Variants in MTF2 observed in about 807,000 individuals in gnomAD.
MTF2 encodes metal response element binding transcription factor 2.
MTF2 carries 11 observed loss-of-function variants against 79.5 expected under a neutral mutation model. The ratio of observed to expected loss-of-function variants is 0.14; its 90% confidence interval spans 0.09 to 0.23. The LOEUF (loss-of-function observed/expected upper bound fraction) is 0.23, where lower values mean the gene tolerates loss of function less well. Among genes scored for constraint, MTF2 ranks in the 10% least tolerant of loss-of-function variants. MTF2 has a pLI of 1.00. For missense variants in MTF2, 486 were observed against 711.2 expected (o/e 0.68, Z 3.60); for synonymous variants, 208 against 232.8 (o/e 0.89, Z 0.97).
chr1:93,110,541 G>T lies in MTF2; in HGVS notation c.205-4G>T, dbSNP rs1423635892. 2 of 1,610,338 alleles carry T rather than the reference G, an allele frequency of 1.2e-6. No individual in the cohort carries two copies. The highest frequency in any genetic ancestry group is 1.7e-6 in the Non-Finnish European group (2 of 1,176,994). The stretch of plus-strand genomic sequence containing the variant: ...TCACCGTTAAGTATTTCTCTGTATT[G>T]CAGATAAACATATTGAAACAGAGCT... On this transcript the variant is annotated splice_region_variant and splice_polypyrimidine_tract_variant and intron_variant, in intron 2 of 14. Transcript: ENST00000370298.
rs1210657521 is a variant in MTF2 at position 93,127,237 on chromosome 1, A to G, written c.927A>G (p.Ala309=). The change falls in exon 10 of 15, where the codon GCA becomes GCG. Residue 309 remains alanine (A), a synonymous_variant. Coordinates refer to ENST00000370298, the MANE Select transcript of MTF2 (RefSeq NM_007358.4). ...NWDRLHPGEL[A]DTPKSERYEH... ...TGTTTCTTGATACTTCACAGCTGGC[A>G]GACACACCAAAATCTGAAAGATATG... 2 of 1,610,794 alleles carry G rather than the reference A, an allele frequency of 1.2e-6. No individual in the cohort carries two copies. The highest frequency in any genetic ancestry group is 3.3e-5 in the Admixed American group (2 of 60,008).
chr1:93,090,790 A>G (rs1445756518), intron 1 of MTF2, among the ~76,000 whole-genome samples: 1 of 151,550 alleles, frequency 6.6e-6, no homozygotes, highest in Non-Finnish European at 1.5e-5. Flanking sequence ...CAGTCTCCCA[A>G]GTAGCTGGGA....
chr1:93,118,152 A>G (rs1656327070), intron 6 of MTF2, among the ~76,000 whole-genome samples, 193 bp from the exon 7 acceptor site: 1 of 152,212 alleles, frequency 6.6e-6, no homozygotes, highest in Non-Finnish European at 1.5e-5. Context: ...AAAAGAGAGA[A>G]GAGGGATGAA....
At position 93,113,570 on chromosome 1, in the gene MTF2, A is replaced by G. The variant is rs554350068; in HGVS notation, c.287-1118A>G. ...GGTTATTTCCACTAGATGTAATACTATGCAGCTATTAGAAGTTACAATTTT... is the reference window on the plus strand; with the variant it reads ...GGTTATTTCCACTAGATGTAATACTGTGCAGCTATTAGAAGTTACAATTTT... On this transcript the variant is annotated intron_variant, in intron 3 of 14. Coordinates refer to ENST00000370298, the MANE Select transcript of MTF2 (RefSeq NM_007358.4). Among the ~76,000 whole-genome samples the G allele has an allele frequency of 3.0e-4, 45 of 152,356 alleles. No homozygotes were observed. The South Asian group carries it at 7.0e-3, about 24-fold the overall frequency.
rs777549539 is a variant in MTF2 at position 93,110,422 on chromosome 1, C to A, written c.198C>A (p.Ile66=). The change falls in exon 2 of 15, where the codon ATC becomes ATA. Residue 66 remains isoleucine, a synonymous_variant. Coordinates refer to ENST00000370298, the MANE Select transcript of MTF2 (RefSeq NM_007358.4). ...ATGGCTTGTTTTATCTTGGCACTAT[C>A]AAAAAGGCAAGTTACTTTAATGTAT... ...WSDGLFYLGT[I]KKINILKQSC... is the part of the protein sequence containing the mutation. 2 of 1,613,888 alleles carry A rather than the reference C, an allele frequency of 1.2e-6. No homozygotes were observed. The highest frequency in any genetic ancestry group is 1.1e-5 in the South Asian group (1 of 91,046).
intron 1 of MTF2, among the ~76,000 whole-genome samples, chr1:93,091,804 A>G (rs1655084343): frequency 6.6e-6 from 1 of 152,166 alleles, no homozygotes; most frequent in Non-Finnish European, 1.5e-5. Context: ...TGGTTTATGG[A>G]CTTGAGTTGA....
chr1:93,127,165 T>TC, intron 9 of MTF2, 67 bp from the exon 10 acceptor site: 1 of 1,098,338 alleles, frequency 9.1e-7, no homozygotes, highest in South Asian at 1.3e-5. Context: ...ATTGCCTCTA[T>TC]CTAGCACCTG....
chr1:93,118,505 G>A (rs1656343446), intron 7 of MTF2, 65 bp downstream of exon 7: 3 of 1,119,292 alleles, frequency 2.7e-6, no homozygotes, highest in Non-Finnish European at 3.8e-6. Flanking sequence ...TTATATTTGT[G>A]ATTTCAGATT....
chr1:93,118,307 A>C, intron 6 of MTF2, 38 bp from the exon 7 acceptor site: 4 of 1,288,716 alleles, frequency 3.1e-6, no homozygotes, highest in East Asian at 2.5e-5. Context: ...CCCTTAAGAC[A>C]GGAATTTTAG....
intron 10 of MTF2, among the ~76,000 whole-genome samples, 186 bp downstream of exon 10, chr1:93,127,485 G>A (rs969017380): frequency 6.6e-6 from 1 of 152,294 alleles, no homozygotes; most frequent in Admixed American, 6.5e-5. Flanking sequence ...GGAGGGAGGA[G>A]TAATCCTTCT....
chr1:93,085,552 T>C (rs1409993060), intron 1 of MTF2, among the ~76,000 whole-genome samples: 1 of 148,622 alleles, frequency 6.7e-6, no homozygotes, highest in South Asian at 2.2e-4. Flanking sequence ...AGTGGCGTGA[T>C]CATAGCTCAC....
chr1:93,097,913 G>A (rs1017353141), intron 1 of MTF2, among the ~76,000 whole-genome samples: 6 of 151,994 alleles, frequency 3.9e-5, no homozygotes, highest in South Asian at 2.1e-4. Flanking sequence ...TTTATTAATA[G>A]ATTATTGCAG....
chr1:93,136,376 C>A (rs1347011641), intron 14 of MTF2, among the ~76,000 whole-genome samples: 1 of 152,094 alleles, frequency 6.6e-6, no homozygotes, highest in Admixed American at 6.5e-5. Flanking sequence ...ATGAGTAGGG[C>A]CTCTTCGTAA....
intron 1 of MTF2, among the ~76,000 whole-genome samples, chr1:93,086,625 A>C (rs1654850961): frequency 6.6e-6 from 1 of 152,084 alleles, no homozygotes; most frequent in African/African-American, 2.4e-5. Context: ...GTGAATCTTG[A>C]GATGCAAAGA....
At chr1:93,127,188 T>C in intron 9 of MTF2, 44 bp from the exon 10 acceptor site, 2 of 1,337,708 alleles carry the variant, frequency 1.5e-6, no homozygotes, top group Non-Finnish European at 2.2e-6. Context: ...TATTACTAAT[T>C]GATGAAATTG....
At chr1:93,079,640 G>GGTGGGGGCTCCTGTAT in intron 1 of MTF2, 109 bp downstream of exon 1, 1 of 1,398,888 alleles carries the variant, frequency 7.1e-7, no homozygotes, top group South Asian at 1.2e-5. Context: ...CCAAGGTGGG[G>GGTGGGGGCTCCTGTAT]GTGGGGGCTC....
chr1:93,094,614 G>A (rs907949788), intron 1 of MTF2, among the ~76,000 whole-genome samples: 4 of 151,764 alleles, frequency 2.6e-5, no homozygotes, highest in Non-Finnish European at 5.9e-5. Context: ...TCCCCACTGT[G>A]TAGTTGAGCA....
rs751564516 is a variant in MTF2, at chr1:93,133,790, A to C, written c.1248A>C (p.Lys416Asn). 1 of 1,609,430 alleles carries C rather than the reference A, an allele frequency of 6.2e-7. No individual in the cohort carries two copies. The highest frequency in any genetic ancestry group is 8.5e-7 in the Non-Finnish European group (1 of 1,177,000). The part of the protein sequence containing the change: ...PGPYTRKMIQ[K>N]TAEPLLDKES... ...CATATACAAGAAAAATGATTCAAAA[A>C]ACTGCTGAGCCACTTTTGGTAAGAG... is the stretch of plus-strand genomic sequence containing the variant. Residue 416 changes from lysine (K) to asparagine (N), a missense_variant, in exon 12 of 15, where the codon AAA (lysine) becomes AAC (asparagine). Lys to Asn is a moderately conservative substitution (Grantham distance 94). Transcript: ENST00000370298.
At chr1:93,092,049 GATGTC>G (rs1655094863) in intron 1 of MTF2, among the ~76,000 whole-genome samples, 1 of 151,990 alleles carries the variant, frequency 6.6e-6, no homozygotes, top group Admixed American at 6.6e-5. Flanking sequence ...TCATGTGCTG[GATGTC>G]TTAGATGAGC....
Sources: gnomAD v4.1 joint callset for allele counts (sites outside exome capture counted in the v4.1 genomes callset) on GRCh38, gnomAD v4.1.1 for gene constraint, MANE v1.5 for transcripts, NCBI Gene and HGNC (gene_info 2026-07-23, HGNC 2026-07-21) for gene names.